Variants in FMNL2 observed in about 807,000 individuals in gnomAD.
The protein encoded by FMNL2 is formin-like protein 2.
FMNL2 carries 51 observed loss-of-function variants against 130.2 expected under a neutral mutation model. The observed-to-expected ratio is 0.39, with a 90% CI of 0.31 to 0.49. The LOEUF is 0.49. Among genes scored for constraint, FMNL2 ranks in the 20% least tolerant of loss-of-function variants. The pLI, the probability that FMNL2 is intolerant of heterozygous loss-of-function variation, is 0.85. For synonymous variants in FMNL2, 465 were observed against 467.1 expected, an observed-to-expected ratio of 1.00 and a Z score of 0.06; for missense variants, 977 against 1,316.2, an observed-to-expected ratio of 0.74 and a Z score of 3.99.
chr2:152,408,407 T>G (rs1302096183), intron 1 of FMNL2, among the ~76,000 whole-genome samples: 2 of 152,102 alleles, frequency 1.3e-5, no homozygotes, highest in East Asian at 3.9e-4. Context: ...TTCCAGGGAG[T>G]GAGAATTGAA....
intron 22 of FMNL2, among the ~76,000 whole-genome samples, chr2:152,636,825 C>G (rs955048588): frequency 1.4e-4 from 21 of 152,198 alleles, no homozygotes; most frequent in Non-Finnish European, 2.5e-4. Context: ...CCTCCCCCTC[C>G]CCTTTCACTT....
At chr2:152,366,375 A>G (rs902010778) in intron 1 of FMNL2, among the ~76,000 whole-genome samples, 1 of 152,044 alleles carries the variant, frequency 6.6e-6, no homozygotes, top group African/African-American at 2.4e-5. Context: ...GCAACATGGC[A>G]CATGTATACA....
At chr2:152,502,384 T>C (rs538869910) in intron 1 of FMNL2, among the ~76,000 whole-genome samples, 7 of 152,182 alleles carry the variant, frequency 4.6e-5, no homozygotes, top group Non-Finnish European at 8.8e-5. Flanking sequence ...GTCTCCAAGA[T>C]AGGAAAAAAT....
intron 1 of FMNL2, among the ~76,000 whole-genome samples, chr2:152,337,273 GACAAA>G (rs1251793745): frequency 6.6e-6 from 1 of 152,200 alleles, no homozygotes; most frequent in Non-Finnish European, 1.5e-5. Context: ...CTTTTCCAGA[GACAAA>G]CGTTTTTCTT....
chr2:152,479,723 T>G (rs1252503136), intron 1 of FMNL2, among the ~76,000 whole-genome samples: 5 of 135,832 alleles, frequency 3.7e-5, no homozygotes, highest in Non-Finnish European at 7.6e-5. Flanking sequence ...GGGTTGTTTT[T>G]TTTTTTTTTT....
intron 9 of FMNL2, among the ~76,000 whole-genome samples, chr2:152,602,883 C>T (rs563268250): frequency 2.0e-5 from 3 of 152,144 alleles, no homozygotes; most frequent in Admixed American, 6.5e-5. Context: ...AAGAGGCCAC[C>T]GCAAAGGAGA....
chr2:152,362,374 A>G (rs1045584144), intron 1 of FMNL2, among the ~76,000 whole-genome samples: 4 of 152,168 alleles, frequency 2.6e-5, no homozygotes, highest in African/African-American at 9.7e-5. Flanking sequence ...TTTGCCTTTA[A>G]TTGTTGCTGA....
At position 152,416,679 on chromosome 2, in the gene FMNL2, G is replaced by A. The variant is rs541114770; in HGVS notation, c.117+80959G>A. ...GACTTCTAGCCAGGCCAGGCCAGTG[G>A]CACTTCTGTGATTTGGAGGAGACTT... is the stretch of plus-strand genomic sequence containing the variant. On this transcript the variant is annotated intron_variant, in intron 1 of 25. Coordinates refer to ENST00000288670, the MANE Select transcript of FMNL2 (RefSeq NM_052905.4). Among the ~76,000 whole-genome samples the A allele has an allele frequency of 1.3e-5, 2 of 152,316 alleles. 1 individual carries two copies. The highest frequency in any genetic ancestry group is 4.8e-5 in the African/African-American group (2 of 41,564).
At chr2:152,424,965 G>A (rs920892400) in intron 1 of FMNL2, among the ~76,000 whole-genome samples, 3 of 152,230 alleles carry the variant, frequency 2.0e-5, no homozygotes, top group African/African-American at 7.2e-5. Flanking sequence ...CAAGGGCGCT[G>A]AGTTTGTGTT....
chr2:152,510,672 G>C (rs1409189561), intron 1 of FMNL2, among the ~76,000 whole-genome samples: 1 of 152,146 alleles, frequency 6.6e-6, no homozygotes, highest in Admixed American at 6.5e-5. Context: ...GGTCTTTTCC[G>C]CTACCACGAG....
intron 7 of FMNL2, 26 bp from the exon 8 acceptor site, chr2:152,578,862 T>TC (rs1696620519): frequency 1.9e-6 from 3 of 1,586,970 alleles, no homozygotes; most frequent in African/African-American, 1.4e-5. Flanking sequence ...GCTTTGTGTT[T>TC]CTTTTTTTTT....
At chr2:152,422,778 C>T (rs965212695) in intron 1 of FMNL2, among the ~76,000 whole-genome samples, 1 of 152,190 alleles carries the variant, frequency 6.6e-6, no homozygotes, top group African/African-American at 2.4e-5. Flanking sequence ...ATTCACCCGC[C>T]TAGGCTCCTA....
Position 152,374,090 on chromosome 2 carries a change from C to A in FMNL2, c.117+38370C>A, listed in dbSNP as rs145640716. ...CCTTTAGGTACTTTTCGCCTTCAGA[C>A]TGCTCTTAAGGGTAGGAAACATCTC... On this transcript the variant is annotated intron_variant, in intron 1 of 25. Transcript: ENST00000288670. Among the ~76,000 whole-genome samples the A allele has an allele frequency of 6.6e-4, 101 of 152,278 alleles. 2 individuals are homozygous for A. The highest frequency in any genetic ancestry group is 2.5e-3 in the East Asian group (13 of 5,188).
chr2:152,539,564 T>C (rs1694188750), intron 2 of FMNL2: 1 of 152,220 alleles, frequency 6.6e-6, no homozygotes, highest in Non-Finnish European at 1.5e-5. Context: ...TTCTCTTTCT[T>C]AATACATCAG....
intron 9 of FMNL2, among the ~76,000 whole-genome samples, chr2:152,600,192 C>G (rs908238389): frequency 1.3e-5 from 2 of 151,914 alleles, no homozygotes; most frequent in Non-Finnish European, 2.9e-5. Context: ...GTCGTCTAAT[C>G]AGTCATAATA....
chr2:152,635,913 C>T (rs868014253), intron 21 of FMNL2, among the ~76,000 whole-genome samples: 13 of 152,150 alleles, frequency 8.5e-5, no homozygotes, highest in East Asian at 3.8e-4. Flanking sequence ...TTTGGAAAGT[C>T]GGGGCAGGAG....
At chr2:152,519,065 G>A (rs186433497) in intron 1 of FMNL2, among the ~76,000 whole-genome samples, 2 of 152,066 alleles carry the variant, frequency 1.3e-5, no homozygotes, top group Non-Finnish European at 1.5e-5. Flanking sequence ...CCTTAAATGT[G>A]GAAAGCTAAT....
chr2:152,399,729 G>T (rs988197047), intron 1 of FMNL2, among the ~76,000 whole-genome samples: 2 of 152,180 alleles, frequency 1.3e-5, no homozygotes, highest in African/African-American at 4.8e-5. Context: ...GGCAGAATTT[G>T]TAAGGCTTTG....
At chr2:152,521,707 T>TC (rs1348826965) in intron 1 of FMNL2, among the ~76,000 whole-genome samples, 2 of 152,208 alleles carry the variant, frequency 1.3e-5, no homozygotes, top group Non-Finnish European at 2.9e-5. Flanking sequence ...AGTCTGATTG[T>TC]TCAAAGCAGA....
Sources: allele counts gnomAD v4.1 joint callset (sites outside exome capture counted in the v4.1 genomes callset), GRCh38; gene constraint gnomAD v4.1.1; transcripts MANE v1.5; gene names NCBI Gene and HGNC (gene_info 2026-07-23, HGNC 2026-07-21).